The following DUSP18 variants were observed in gnomAD, a reference collection of about 807,000 sequenced individuals.
The protein encoded by DUSP18 is dual specificity phosphatase 18.
In DUSP18, 4 loss-of-function variants were observed where a neutral mutation model predicts 6.3. That is an observed-to-expected ratio of 0.63 (90% CI 0.31 to 1.45). The LOEUF (loss-of-function observed/expected upper bound fraction) is 1.45, where lower values mean the gene tolerates loss of function less well. Among genes scored for constraint, DUSP18 ranks in the 40% most tolerant of loss-of-function variants. DUSP18 has a pLI of 0.07. For missense variants in DUSP18, 235 were observed against 247.7 expected, an observed-to-expected ratio of 0.95 and a Z score of 0.34; for synonymous variants, 96 against 95.1, an observed-to-expected ratio of 1.01 and a Z score of -0.05.
At chr22:30,665,882 T>C (rs713853) in intron 1 of DUSP18, among the ~76,000 whole-genome samples, 68,115 of 151,536 alleles carry the variant, frequency 0.45, 18,010 homozygotes, top group South Asian at 0.63. Context: ...TTCTGAGAGG[T>C]TTTCTGGAAA....
chr22:30,655,429 C>CAAAAAA (rs5844917), intron 2 of DUSP18, among the ~76,000 whole-genome samples: 28 of 111,558 alleles, frequency 2.5e-4, no homozygotes, highest in African/African-American at 5.8e-4. Context: ...GAGATCCTAC[C>CAAAAAA]AAAAAAAAAA....
downstream of DUSP18, among the ~76,000 whole-genome samples, chr22:30,659,356 A>G (rs2088413638): frequency 6.6e-6 from 1 of 152,168 alleles, no homozygotes; most frequent in Non-Finnish European, 1.5e-5. Context: ...TGTTGGAATT[A>G]TCAGAAAAAG....
At chr22:30,665,047 C>G (rs2088598249) in intron 1 of DUSP18, 1 of 153,028 alleles carries the variant, frequency 6.5e-6, no homozygotes, top group South Asian at 2.0e-4. Context: ...GTCGTCGGTG[C>G]TCCTCAGGTG....
At position 30,663,304 on chromosome 22, in the gene DUSP18, T is replaced by A; in HGVS notation, c.*133A>T. The A allele has an allele frequency of 1.1e-6, 1 of 871,832 alleles. No homozygotes were observed. Among genetic ancestry groups the A allele is most frequent in the Non-Finnish European group, 1.7e-6 (1 of 576,270 alleles). The allele number at this position is 871,832 out of a possible 1,614,324, so 54.0% of individuals were successfully genotyped here. ...TAAAGTTAAAAGCTACAGCAACTCT[T>A]TTTTGTGCTCATAAAAGGCATCATC... is the stretch of plus-strand genomic sequence containing the variant. On this transcript the variant is annotated 3_prime_UTR_variant, in exon 2 of 2. Transcript: ENST00000334679.
rs1291920747 is a variant in DUSP18, at chr22:30,667,492, C to G, written c.-108G>C. 6.6e-6 allele frequency: 1 copy of G among 152,204 alleles called. No homozygotes were observed. Among genetic ancestry groups the G allele is most frequent in the African/African-American group, 2.4e-5 (1 of 41,446 alleles). The allele number at this position is 152,204 out of a possible 1,614,324, so 9.4% of individuals were successfully genotyped here. ...TCCTTCAGGCGGGTGGGCGGGTTCG[C>G]TCAGGAAGTAGCCGCTTGGGGAAGC... On this transcript the variant is annotated 5_prime_UTR_variant, in exon 1 of 2. Coordinates refer to ENST00000334679, the MANE Select transcript of DUSP18 (RefSeq NM_152511.5).
downstream of DUSP18, among the ~76,000 whole-genome samples, chr22:30,657,995 TACTC>T (rs1391486403): frequency 1.3e-5 from 2 of 151,446 alleles, no homozygotes; most frequent in African/African-American, 4.8e-5. Context: ...AGGTTCCAGT[TACTC>T]AGGAGGCTAA....
intron 2 of DUSP18, among the ~76,000 whole-genome samples, chr22:30,655,968 G>A (rs765578160): frequency 2.1e-4 from 31 of 151,048 alleles, no homozygotes; most frequent in Non-Finnish European, 2.7e-4. Context: ...CATTTATTGA[G>A]GCACCACTGC....
rs1382645575 is a variant in DUSP18, at chr22:30,662,913, G to A, written c.*524C>T. 1 of 154,108 alleles carries A rather than the reference G, an allele frequency of 6.5e-6. No homozygotes were observed. The highest frequency in any genetic ancestry group is 2.4e-5 in the African/African-American group (1 of 41,396). The allele number at this position is 154,108 out of a possible 1,614,324, so 9.5% of individuals were successfully genotyped here. ...AAGTACAATCTAGAAAACCAGAACT[G>A]GGCCACTTATAGTGAAGGTGGAAGC... On this transcript the variant is annotated 3_prime_UTR_variant, in exon 2 of 2. Transcript: ENST00000334679.
At position 30,663,938 on chromosome 22, in the gene DUSP18, C is replaced by G. The variant is rs780641324; in HGVS notation, c.66G>C (p.Gln22His). The stretch of plus-strand genomic sequence containing the variant: ...TGCTGATATACAGGCTTTTGGTTAT[C>G]TGCGAGAGGCCGCTGACTGAGGGCT... ...FRQPSVSGLS[Q>H]ITKSLYISNG... The change falls in exon 2 of 2, where the codon CAG (glutamine) becomes CAC (histidine). Residue 22 changes from glutamine to histidine, a missense_variant. By Grantham distance (24) the Gln-to-His change is conservative (BLOSUM62 0). Transcript: ENST00000334679. 6.2e-7 allele frequency: 1 copy of G among 1,614,174 alleles called. No homozygotes were observed. Among genetic ancestry groups the G allele is most frequent in the Non-Finnish European group, 8.5e-7 (1 of 1,180,042 alleles).
In DUSP18 at chr22:30,663,373, T is replaced by C; in HGVS notation, c.*64A>G. 6.8e-7 allele frequency: 1 copy of C among 1,479,712 alleles called. No individual in the cohort carries two copies. The highest frequency in any genetic ancestry group is 9.1e-7 in the Non-Finnish European group (1 of 1,092,978). The allele number at this position is 1,479,712 out of a possible 1,614,324, so 91.7% of individuals were successfully genotyped here. ...CAAAAGTAGAATGTTCAAGTTTGGA[T>C]CTTGGTGTAAGATCAACAATAGATC... On this transcript the variant is annotated 3_prime_UTR_variant, in exon 2 of 2. Coordinates refer to ENST00000334679, the MANE Select transcript of DUSP18 (RefSeq NM_152511.5).
At chr22:30,654,902 C>T (rs2088303168) in intron 2 of DUSP18, 1 of 167,694 alleles carries the variant, frequency 6.0e-6, no homozygotes, top group South Asian at 1.5e-4. Context: ...GGTACCTCTG[C>T]CAGATTTCCC....
intron 2 of DUSP18, chr22:30,654,715 T>G: frequency 2.8e-6 from 1 of 351,770 alleles, no homozygotes; most frequent in Non-Finnish European, 5.5e-6. Context: ...GCCCCCGCAG[T>G]GTACGACCAC....
chr22:30,660,311 A>AT (rs35517267), downstream of DUSP18, among the ~76,000 whole-genome samples: 95,696 of 151,034 alleles, frequency 0.63, 31,328 homozygotes, highest in East Asian at 0.81. Flanking sequence ...AGAGAAAAAA[A>AT]TTTTTTTTTT....
intron 1 of DUSP18, among the ~76,000 whole-genome samples, chr22:30,666,004 T>C (rs2088640250): frequency 6.6e-6 from 1 of 152,148 alleles, no homozygotes; most frequent in African/African-American, 2.4e-5. Context: ...AGGCAAATCC[T>C]ACCTGCCAAT....
chr22:30,656,632 C>T (rs2088342901), downstream of DUSP18, among the ~76,000 whole-genome samples: 1 of 152,140 alleles, frequency 6.6e-6, no homozygotes, highest in Admixed American at 6.6e-5. Flanking sequence ...GCATTCAAAC[C>T]TCAACATGAC....
intron 2 of DUSP18, among the ~76,000 whole-genome samples, chr22:30,656,287 T>C (rs115242055): frequency 0.045 from 6,874 of 152,130 alleles, 342 homozygotes; most frequent in East Asian, 0.24. Context: ...TCTAAGGGCA[T>C]TTGGATTTAA....
chr22:30,653,680 C>T (rs527995002), intron 2 of DUSP18, among the ~76,000 whole-genome samples: 3 of 151,326 alleles, frequency 2.0e-5, no homozygotes, highest in African/African-American at 7.3e-5. Flanking sequence ...GGCCGCCTCC[C>T]TTCTCTAAGC....
In DUSP18 at chr22:30,663,530, C is replaced by G. The variant is rs1415042369; in HGVS notation, c.474G>C (p.Leu158Phe). The G allele has an allele frequency of 5.0e-6, 8 of 1,614,178 alleles. No individual in the cohort carries two copies. In the South Asian group the frequency reaches 8.8e-5, roughly 18 times the overall value. The change falls in exon 2 of 2, where the codon TTG becomes TTC. Residue 158 changes from leucine (L) to phenylalanine (F), a missense_variant. Leu to Phe is a conservative substitution (Grantham distance 22). Coordinates refer to ENST00000334679, the MANE Select transcript of DUSP18 (RefSeq NM_152511.5). ...CCATGTGCACAGTGTTCTTGCCAAA[C>G]AATTGGAACTCATAGTGGATGAGCT... The part of the protein sequence containing the change: ...WEQLIHYEFQ[L>F]FGKNTVHMVS...
downstream of DUSP18, among the ~76,000 whole-genome samples, chr22:30,659,891 A>C (rs1265442873): frequency 1.3e-5 from 2 of 152,230 alleles, no homozygotes; most frequent in Admixed American, 6.5e-5. Flanking sequence ...AAAAGTTAGA[A>C]GTATTTAAAG....
Sources: allele counts gnomAD v4.1 joint callset (sites outside exome capture counted in the v4.1 genomes callset), GRCh38; gene constraint gnomAD v4.1.1; transcripts MANE v1.5; gene names NCBI Gene and HGNC (gene_info 2026-07-23, HGNC 2026-07-21).